Variants in LOC400499 observed in about 807,000 individuals in gnomAD.
chr16:11,526,609 T>A, the LOC400499 span, among the ~76,000 whole-genome samples: 311 of 152,360 alleles, frequency 2.0e-3, no homozygotes, highest in African/African-American at 6.8e-3. Flanking sequence ...TTGATTACAT[T>A]TTCTAATTAT....
chr16:11,420,613 A>G, the LOC400499 span, among the ~76,000 whole-genome samples: 6 of 137,862 alleles, frequency 4.4e-5, no homozygotes, highest in Non-Finnish European at 7.9e-5. Context: ...CCCCCCGGAA[A>G]AAAACCCCAA....
chr16:11,417,791 G>A, the LOC400499 span: 17 of 399,020 alleles, frequency 4.3e-5, no homozygotes, highest in South Asian at 8.9e-4. Context: ...ATCAGGATGC[G>A]TCCAGAATGC....
At chr16:11,401,798 C>T in the LOC400499 span, among the ~76,000 whole-genome samples, 1 of 152,232 alleles carries the variant, frequency 6.6e-6, no homozygotes, top group Non-Finnish European at 1.5e-5. Flanking sequence ...GAACCTATCA[C>T]GGGGTAAGCA....
At chr16:11,391,463 G>A in the LOC400499 span, among the ~76,000 whole-genome samples, 9 of 152,314 alleles carry the variant, frequency 5.9e-5, no homozygotes, top group Middle Eastern at 3.4e-3. Flanking sequence ...AAATGACACA[G>A]CAGACCCAGA....
chr16:11,445,834 C>CTTT, the LOC400499 span, among the ~76,000 whole-genome samples: 31 of 144,008 alleles, frequency 2.2e-4, no homozygotes, highest in Non-Finnish European at 4.1e-4. Flanking sequence ...TCAGGAGAAC[C>CTTT]TTTTTTTTTT....
At chr16:11,435,978 C>A in the LOC400499 span, 2 of 397,906 alleles carry the variant, frequency 5.0e-6, no homozygotes, top group Admixed American at 8.8e-5. Context: ...GCCACTCCAA[C>A]TTTGAGCACT....
At chr16:11,426,608 G>GA in the LOC400499 span, among the ~76,000 whole-genome samples, 154 of 144,336 alleles carry the variant, frequency 1.1e-3, no homozygotes, top group East Asian at 0.013. Flanking sequence ...ACTGCAATAA[G>GA]AAAAAAAAAA....
the LOC400499 span, among the ~76,000 whole-genome samples, chr16:11,403,198 G>C: frequency 6.6e-6 from 1 of 152,158 alleles, no homozygotes; most frequent in Non-Finnish European, 1.5e-5. Context: ...TCTGTACAAA[G>C]GGCACCCACC....
At chr16:11,440,589 A>G in the LOC400499 span, 3 of 397,432 alleles carry the variant, frequency 7.5e-6, no homozygotes, top group Non-Finnish European at 1.3e-5. Context: ...ACACTGCCAA[A>G]ATAAGGGCTG....
chr16:11,457,147 T>G, the LOC400499 span: 1 of 1,047,158 alleles, frequency 9.5e-7, no homozygotes, highest in Non-Finnish European at 1.3e-6. Context: ...ACTACTGCAC[T>G]CCACACGGGC....
At chr16:11,513,859 G>T in the LOC400499 span, among the ~76,000 whole-genome samples, 1 of 152,158 alleles carries the variant, frequency 6.6e-6, no homozygotes, top group Non-Finnish European at 1.5e-5. Flanking sequence ...CAAAGTCCCA[G>T]CAGTAAGAAT....
At chr16:11,483,655 C>T in the LOC400499 span, among the ~76,000 whole-genome samples, 4 of 150,138 alleles carry the variant, frequency 2.7e-5, no homozygotes, top group African/African-American at 9.8e-5. Flanking sequence ...TACTTGAGCC[C>T]AGGAGGTTGA....
the LOC400499 span, among the ~76,000 whole-genome samples, chr16:11,375,932 C>T: frequency 1.3e-5 from 2 of 151,868 alleles, no homozygotes; most frequent in Non-Finnish European, 1.5e-5. Context: ...TGAGAAACCC[C>T]ATGGAGAACA....
At chr16:11,409,769 G>T in the LOC400499 span, among the ~76,000 whole-genome samples, 4 of 152,134 alleles carry the variant, frequency 2.6e-5, no homozygotes, top group East Asian at 7.7e-4. Context: ...CTTGTTACAG[G>T]AAATAGTTGA....
chr16:11,384,802 G>GC, the LOC400499 span: 1 of 1,155,870 alleles, frequency 8.7e-7, no homozygotes, highest in Non-Finnish European at 1.1e-6. Flanking sequence ...ATGCACGGTA[G>GC]CCCCCTGCCG....
At chr16:11,500,046 A>C in the LOC400499 span, among the ~76,000 whole-genome samples, 2 of 152,246 alleles carry the variant, frequency 1.3e-5, no homozygotes, top group East Asian at 3.8e-4. Flanking sequence ...CATCTCACAC[A>C]GATTTCCTAA....
chr16:11,440,955 A>T, the LOC400499 span: 6 of 398,994 alleles, frequency 1.5e-5, no homozygotes, highest in Admixed American at 2.6e-4. Context: ...GGAATGGGCC[A>T]AGTCCAGGGC....
chr16:11,484,467 C>A, the LOC400499 span, among the ~76,000 whole-genome samples: 3 of 152,054 alleles, frequency 2.0e-5, no homozygotes, highest in Admixed American at 6.5e-5. Flanking sequence ...GTCAATTAGA[C>A]CTCAATAAAT....
the LOC400499 span, chr16:11,385,439 C>T: frequency 1.6e-6 from 2 of 1,230,820 alleles, no homozygotes; most frequent in African/African-American, 1.5e-5. Context: ...AGCCCAAAGG[C>T]AGGGTGAGCG....
Sources: gnomAD v4.1 joint callset for allele counts (sites outside exome capture counted in the v4.1 genomes callset) on GRCh38, gnomAD v4.1.1 for gene constraint, MANE v1.5 for transcripts.